Variants in MYO1D observed in about 807,000 individuals in gnomAD.
MYO1D encodes unconventional myosin-Id.
Under a neutral mutation model 122.0 loss-of-function variants are expected in MYO1D, and 83 were observed. That is an observed-to-expected ratio of 0.68 (90% CI 0.57 to 0.82). The LOEUF (loss-of-function observed/expected upper bound fraction) is 0.82, where lower values mean the gene tolerates loss of function less well. Among genes scored for constraint, MYO1D ranks in the 40% least tolerant of loss-of-function variants. MYO1D has a pLI of 0.00. For synonymous variants in MYO1D, 464 were observed against 446.9 expected (o/e 1.04, Z -0.48); for missense variants, 1,157 against 1,269.5 (o/e 0.91, Z 1.35).
intron 19 of MYO1D, among the ~76,000 whole-genome samples, chr17:32,641,673 T>G (rs2088202960): frequency 6.6e-6 from 1 of 152,260 alleles, no homozygotes; most frequent in South Asian, 2.1e-4. Context: ...TTTGCATTTC[T>G]CTGATGGCCG....
At chr17:32,595,562 ACC>A (rs2087483425) in intron 21 of MYO1D, among the ~76,000 whole-genome samples, 1 of 152,200 alleles carries the variant, frequency 6.6e-6, no homozygotes, top group Non-Finnish European at 1.5e-5. Flanking sequence ...GGATTGAGTT[ACC>A]ATCTTCTGGT....
At chr17:32,673,239 G>T (rs548623660) in intron 16 of MYO1D, among the ~76,000 whole-genome samples, 3 of 151,018 alleles carry the variant, frequency 2.0e-5, no homozygotes, top group African/African-American at 7.3e-5. Flanking sequence ...GAGTAATTGG[G>T]ATTACAAGCA....
intron 1 of MYO1D, among the ~76,000 whole-genome samples, chr17:32,839,500 T>C (rs957386798): frequency 6.6e-5 from 10 of 152,178 alleles, no homozygotes; most frequent in East Asian, 1.9e-4. Context: ...CAGTTTGAGT[T>C]TGGATTCTCT....
Position 32,494,810 on chromosome 17 carries a change from G to T in MYO1D, c.2970C>A (p.Pro990=). 1 of 1,613,380 alleles carries T rather than the reference G, an allele frequency of 6.2e-7. No homozygotes were observed. Among genetic ancestry groups the T allele is most frequent in the East Asian group, 2.2e-5 (1 of 44,814 alleles). ...AGCCCGAGCGATTCTTGGTGAAGTC[G>T]GGCTGGGGCTGGTTGAGCCGCGTCT... The part of the protein sequence containing the change: ...SVETRLNQPQ[P]DFTKNRSGFI... Residue 990 remains proline, a synonymous_variant, in exon 22 of 22, where the codon CCC becomes CCA. Transcript: ENST00000318217.
intron 1 of MYO1D, among the ~76,000 whole-genome samples, chr17:32,804,944 G>A (rs2090497422): frequency 1.3e-5 from 2 of 152,128 alleles, no homozygotes. Context: ...GTCACACACA[G>A]TCTGACCATG....
intron 12 of MYO1D, 74 bp downstream of exon 12, chr17:32,748,862 A>T: frequency 7.4e-7 from 1 of 1,343,100 alleles, no homozygotes; most frequent in Non-Finnish European, 1.1e-6. Flanking sequence ...AAACCAATTT[A>T]CATTTTTCCT....
chr17:32,506,637 G>A (rs995447087), intron 21 of MYO1D, among the ~76,000 whole-genome samples: 1 of 152,206 alleles, frequency 6.6e-6, no homozygotes, highest in Non-Finnish European at 1.5e-5. Flanking sequence ...ATATAAATGA[G>A]CACAGTAAAC....
intron 1 of MYO1D, among the ~76,000 whole-genome samples, chr17:32,829,743 C>A (rs1359933352): frequency 6.6e-6 from 1 of 152,106 alleles, no homozygotes; most frequent in African/African-American, 2.4e-5. Context: ...TGTGAGCCAC[C>A]AAGCCCGGCT....
intron 12 of MYO1D, among the ~76,000 whole-genome samples, 196 bp downstream of exon 12, chr17:32,748,740 G>A (rs1436953420): frequency 6.6e-6 from 1 of 152,196 alleles, no homozygotes. Flanking sequence ...CAAGTAGTGT[G>A]TGCTCAATAA....
intron 17 of MYO1D, among the ~76,000 whole-genome samples, chr17:32,658,315 A>G (rs1471197377): frequency 1.3e-5 from 2 of 152,162 alleles, no homozygotes; most frequent in Non-Finnish European, 2.9e-5. Flanking sequence ...ATTAGTTCAA[A>G]GTGTTCTTTA....
At chr17:32,502,545 T>C (rs1299730700) in intron 21 of MYO1D, among the ~76,000 whole-genome samples, 2 of 152,260 alleles carry the variant, frequency 1.3e-5, no homozygotes, top group Admixed American at 1.3e-4. Flanking sequence ...TTTTATGTTA[T>C]GTGTATTTTA....
intron 21 of MYO1D, among the ~76,000 whole-genome samples, chr17:32,544,101 CTTT>C (rs542735823): frequency 7.1e-6 from 1 of 140,786 alleles, no homozygotes; most frequent in African/African-American, 2.6e-5. Flanking sequence ...CCAAATCTTG[CTTT>C]TTTTTTTTTG....
intron 21 of MYO1D, among the ~76,000 whole-genome samples, chr17:32,566,224 A>G (rs958511906): frequency 6.6e-6 from 1 of 152,194 alleles, no homozygotes; most frequent in African/African-American, 2.4e-5. Context: ...AGGAAGTACA[A>G]CTGTGGTGTT....
chr17:32,711,111 A>AT (rs904722859), intron 16 of MYO1D, among the ~76,000 whole-genome samples: 1 of 152,132 alleles, frequency 6.6e-6, no homozygotes. Context: ...TAGCTCTACA[A>AT]TTTTTTGCAT....
At chr17:32,566,139 C>A (rs939669548) in intron 21 of MYO1D, among the ~76,000 whole-genome samples, 1 of 152,092 alleles carries the variant, frequency 6.6e-6, no homozygotes, top group Non-Finnish European at 1.5e-5. Context: ...GGGAGGTAGA[C>A]ACAGTCCTCC....
chr17:32,668,575 G>A (rs529567003), intron 16 of MYO1D, among the ~76,000 whole-genome samples: 1 of 152,262 alleles, frequency 6.6e-6, no homozygotes, highest in Non-Finnish European at 1.5e-5. Context: ...CTGGAACACA[G>A]GGCTTTTGGA....
chr17:32,730,115 T>C (rs2089620361), intron 14 of MYO1D, among the ~76,000 whole-genome samples: 2 of 151,552 alleles, frequency 1.3e-5, no homozygotes, highest in Non-Finnish European at 2.9e-5. Context: ...ATTCTTTGTT[T>C]TTATTGTTTT....
intron 8 of MYO1D, among the ~76,000 whole-genome samples, chr17:32,762,952 C>T (rs984818517): frequency 8.6e-5 from 13 of 151,488 alleles, no homozygotes; most frequent in Admixed American, 5.9e-4. Context: ...TTTGGGAGGC[C>T]GAGGAGGGTG....
chr17:32,842,337 T>C (rs1007496080), intron 1 of MYO1D, among the ~76,000 whole-genome samples: 2 of 152,166 alleles, frequency 1.3e-5, no homozygotes, highest in Non-Finnish European at 2.9e-5. Flanking sequence ...CGTAAGTTAC[T>C]GCAAGGTTTC....
Sources: gnomAD v4.1 joint callset for allele counts (sites outside exome capture counted in the v4.1 genomes callset) on GRCh38, gnomAD v4.1.1 for gene constraint, MANE v1.5 for transcripts, NCBI Gene and HGNC (gene_info 2026-07-23, HGNC 2026-07-21) for gene names.